The following TMPRSS13 variants were observed in gnomAD, a reference collection of about 807,000 sequenced individuals.
TMPRSS13 encodes the protein transmembrane serine protease 13.
In TMPRSS13, 50 loss-of-function variants were observed where a neutral mutation model predicts 68.4. The ratio of observed to expected loss-of-function variants is 0.73; its 90% confidence interval spans 0.58 to 0.93. The LOEUF (loss-of-function observed/expected upper bound fraction) is 0.93, where lower values mean the gene tolerates loss of function less well. Ranked by LOEUF, TMPRSS13 falls within the 40% of genes least tolerant of loss-of-function variation. The pLI is 0.00. For missense variants in TMPRSS13, 615 were observed against 729.2 expected, an observed-to-expected ratio of 0.84 and a Z score of 1.80; for synonymous variants, 267 against 285.8, an observed-to-expected ratio of 0.93 and a Z score of 0.66.
rs775289417 is a variant in TMPRSS13 at position 117,917,127 on chromosome 11, A to C, written c.556+43T>G. The C allele has an allele frequency of 3.9e-6, 6 of 1,532,876 alleles. No homozygotes were observed. The South Asian group carries it at 6.8e-5, about 17-fold the overall frequency. The allele number at this position is 1,532,876 out of a possible 1,614,324, so 95.0% of individuals were successfully genotyped here. On this transcript the variant is annotated intron_variant, in intron 3 of 12. Coordinates refer to ENST00000524993, the MANE Select transcript of TMPRSS13 (RefSeq NM_001077263.3). ...CCCATCCCTGGGTCCCACTCTGCCCAGCAGTGCCCAGAACCCACCCCTGCA... is the reference window on the plus strand; with the variant it reads ...CCCATCCCTGGGTCCCACTCTGCCCCGCAGTGCCCAGAACCCACCCCTGCA...
chr11:117,923,547 G>A (rs1414168559), intron 1 of TMPRSS13, among the ~76,000 whole-genome samples: 2 of 152,146 alleles, frequency 1.3e-5, no homozygotes, highest in African/African-American at 4.8e-5. Flanking sequence ...GCAGCAGCCT[G>A]AACTTGGGAA....
chr11:117,926,268 G>A lies in TMPRSS13; in HGVS notation c.21+3019C>T, dbSNP rs978250650. Among the ~76,000 whole-genome samples the A allele has an allele frequency of 6.8e-5, 10 of 147,768 alleles. 1 individual carries two copies. In the East Asian group the frequency reaches 1.2e-3, roughly 18 times the overall value. ...GCAGGTGCCAGGGTCCTTGGAGGAC[G>A]AGGTGAGGGCTACACACCTGCAGGG... On this transcript the variant is annotated intron_variant, in intron 1 of 12. Coordinates refer to ENST00000524993, the MANE Select transcript of TMPRSS13 (RefSeq NM_001077263.3).
Position 117,929,397 on chromosome 11 carries a change from G to T in TMPRSS13, c.-90C>A. 1.6e-6 allele frequency: 2 copies of T among 1,275,652 alleles called. No homozygotes were observed. The highest frequency in any genetic ancestry group is 1.1e-6 in the Non-Finnish European group (1 of 914,264). 79.0% of individuals were successfully genotyped at this position (1,275,652 alleles called of 1,614,324 possible). On this transcript the variant is annotated 5_prime_UTR_variant, in exon 1 of 13. Transcript: ENST00000524993. ...TGGCTTCTCAGGCATGTAGGGTAAAGGAGTTGGAGGGCCAAGGGCCAGCCC... is the reference window on the plus strand; with the variant it reads ...TGGCTTCTCAGGCATGTAGGGTAAATGAGTTGGAGGGCCAAGGGCCAGCCC...
intron 3 of TMPRSS13, 65 bp downstream of exon 3, chr11:117,917,105 A>G: frequency 7.3e-7 from 1 of 1,371,432 alleles, no homozygotes; most frequent in Non-Finnish European, 1.0e-6. Context: ...GCCTGCCCCC[A>G]TCCCTGGGTC....
At chr11:117,908,176 A>G (rs567503047) in intron 9 of TMPRSS13, 1 of 630,296 alleles carries the variant, frequency 1.6e-6, no homozygotes, top group Admixed American at 4.2e-5. Context: ...TCAGGTAATT[A>G]TCTCTCTGTA....
At chr11:117,907,147 A>G (rs1426122966) in intron 9 of TMPRSS13, among the ~76,000 whole-genome samples, 5 of 152,132 alleles carry the variant, frequency 3.3e-5, no homozygotes, top group Admixed American at 3.3e-4. Flanking sequence ...TAAGATTTGG[A>G]TGTTTAGCCA....
chr11:117,929,144 G>T (rs982622785), intron 1 of TMPRSS13, 143 bp downstream of exon 1: 3 of 602,810 alleles, frequency 5.0e-6, no homozygotes, highest in Non-Finnish European at 8.2e-6. Flanking sequence ...GATCTTGATC[G>T]TAAGTAGCTT....
intron 9 of TMPRSS13, chr11:117,908,395 T>G (rs1378516874): frequency 1.6e-6 from 1 of 616,324 alleles, no homozygotes; most frequent in African/African-American, 1.8e-5. Context: ...TAATGTGAGA[T>G]GTGTCATTTG....
At chr11:117,904,893 A>G (rs1323197414) in intron 10 of TMPRSS13, among the ~76,000 whole-genome samples, 1 of 62,624 alleles carries the variant, frequency 1.6e-5, no homozygotes, top group African/African-American at 6.3e-5. Flanking sequence ...ATATATATAT[A>G]TATATATATA....
In TMPRSS13 at chr11:117,903,740, C is replaced by T. The variant is rs1351101496; in HGVS notation, c.1592G>A (p.Trp531Ter). 1 of 1,613,288 alleles carries T rather than the reference C, an allele frequency of 6.2e-7. No individual in the cohort carries two copies. The change falls in exon 12 of 13, where the codon TGG (tryptophan) becomes TAG (stop). Residue 531 changes from tryptophan to a stop codon, truncating the protein, a stop_gained. Coordinates refer to ENST00000524993, the MANE Select transcript of TMPRSS13 (RefSeq NM_001077263.3). LOFTEE classifies it high-confidence loss of function. ...GTTTCTCTGGCCACAGCCTGTGCCC[C>T]AGCTGGTGACACCTGCCAGGTACCA... ...NRWYLAGVTSWGTGCGQRNKP... is the reference protein window; with the variant it reads ...NRWYLAGVTS
chr11:117,903,364 C>T (rs2057427174), intron 12 of TMPRSS13: 1 of 1,525,586 alleles, frequency 6.6e-7, no homozygotes, highest in African/African-American at 1.4e-5. Context: ...CCATTGCAAC[C>T]TTACACAAAA....
intron 1 of TMPRSS13, among the ~76,000 whole-genome samples, chr11:117,924,462 G>A (rs570871695): frequency 3.9e-5 from 6 of 152,294 alleles, no homozygotes; most frequent in East Asian, 1.9e-4. Flanking sequence ...CATCAAGGGC[G>A]CCCATAGGGT....
chr11:117,910,634 TG>T (rs1555055329), intron 7 of TMPRSS13, 72 bp downstream of exon 7: 1 of 1,457,946 alleles, frequency 6.9e-7, no homozygotes, highest in Non-Finnish European at 9.4e-7. Context: ...ACACCTCCCT[TG>T]GAGGAGTGCT....
Position 117,914,640 on chromosome 11 carries a change from T to G in TMPRSS13, c.557-126A>C. On this transcript the variant is annotated intron_variant, in intron 3 of 12. Transcript: ENST00000524993. This position sits in a 1 kb window ranked among gnomAD's most constrained non-coding sequence, Gnocchi z 4.2. ...TCCCTCTTGAACTCTGGGGCTCTCA[T>G]CCCCCATCTGTATGGAGAGAAAGGC... 6.7e-7 allele frequency: 1 copy of G among 1,493,920 alleles called. No homozygotes were observed. Among genetic ancestry groups the G allele is most frequent in the Non-Finnish European group, 9.0e-7 (1 of 1,113,458 alleles). The allele number at this position is 1,493,920 out of a possible 1,614,324, so 92.5% of individuals were successfully genotyped here. A position where few individuals can be genotyped will look rare whatever the true frequency, so the allele number is the denominator to read the frequency against.
intron 5 of TMPRSS13, among the ~76,000 whole-genome samples, chr11:117,912,492 T>G (rs570617102): frequency 6.6e-6 from 1 of 152,376 alleles, no homozygotes; most frequent in Admixed American, 6.5e-5. Context: ...AGATTCTGAT[T>G]CCAAGATGCA....
intron 1 of TMPRSS13, among the ~76,000 whole-genome samples, chr11:117,923,339 C>T (rs138334612): frequency 3.9e-4 from 60 of 152,238 alleles, no homozygotes; most frequent in African/African-American, 1.4e-3. Flanking sequence ...TGGGCCGTTA[C>T]CTGGTGGGGA....
Position 117,908,608 on chromosome 11 carries a change from T to G in TMPRSS13, c.1282+4A>C. 1 of 1,557,386 alleles carries G rather than the reference T, an allele frequency of 6.4e-7. No homozygotes were observed. The highest frequency in any genetic ancestry group is 8.7e-7 in the Non-Finnish European group (1 of 1,150,942). ...AGGAGAGCGGGGAGTGCAGATTCCC[T>G]CACCGGACAGGGTCAGGGGCTTGGA... On this transcript the variant is annotated splice_donor_region_variant and intron_variant, in intron 9 of 12. Transcript: ENST00000524993.
rs1298466791 is a variant in TMPRSS13, at chr11:117,918,416, CT to C, written c.443del (p.Glu148GlyfsTer72). 1 of 1,613,466 alleles carries C rather than the reference CT, an allele frequency of 6.2e-7. No homozygotes were observed. Among genetic ancestry groups the C allele is most frequent in the African/African-American group, 1.3e-5 (1 of 75,040 alleles). ...RSAPATRATR[E>X]SPGTSLPKFT... is the part of the protein sequence containing the mutation. ...CTACAGCATCCCCCTTACCTGGGCT[CT>C]CCCTGGTGGCCCTGGTTGCTGGTGC... On this transcript the variant is annotated frameshift_variant, in exon 2 of 13. Coordinates refer to ENST00000524993, the MANE Select transcript of TMPRSS13 (RefSeq NM_001077263.3). LOFTEE classifies it high-confidence loss of function.
rs146431808 is a variant in TMPRSS13 at position 117,922,389 on chromosome 11, T to C, written c.22-3551A>G. On this transcript the variant is annotated intron_variant, in intron 1 of 12. Transcript: ENST00000524993. The surrounding 1 kb of genome is among the most constrained non-coding windows in gnomAD (Gnocchi z 4.2). ...ACCTGGGACTACAGGCACGCGCCAC[T>C]GTGCCCAGCTAATTTTTGTATTTTT... Among the ~76,000 whole-genome samples, 951 of 152,266 alleles carry C rather than the reference T, an allele frequency of 6.2e-3. 2 individuals carry two copies. Among genetic ancestry groups the C allele is most frequent in the African/African-American group, 0.017 (724 of 41,558 alleles).
Sources: allele counts gnomAD v4.1 joint callset (sites outside exome capture counted in the v4.1 genomes callset), GRCh38; gene constraint gnomAD v4.1.1; non-coding constraint Gnocchi (gnomAD v3.1); transcripts MANE v1.5; gene names NCBI Gene and HGNC (gene_info 2026-07-23, HGNC 2026-07-21).